IGF1R: variants seen among roughly 807,000 people sequenced by gnomAD.
IGF1R encodes insulin-like growth factor 1 receptor.
In IGF1R, 44 loss-of-function variants were observed where a neutral mutation model predicts 144.6. The ratio of observed to expected loss-of-function variants is 0.30; its 90% confidence interval spans 0.24 to 0.39. The LOEUF (loss-of-function observed/expected upper bound fraction) is 0.39, where lower values mean the gene tolerates loss of function less well. IGF1R is among the 10% of genes least tolerant of loss of function. The probability of loss-of-function intolerance (pLI) is 1.00; values close to 1 mark genes in which losing one functional copy is unlikely to be tolerated. For synonymous variants in IGF1R, 795 were observed against 722.8 expected, an observed-to-expected ratio of 1.10 and a Z score of -1.60; for missense variants, 1,355 against 1,833.7, an observed-to-expected ratio of 0.74 and a Z score of 4.77.
At chr15:98,781,210 A>C (rs552954348) in intron 2 of IGF1R, among the ~76,000 whole-genome samples, 1 of 152,206 alleles carries the variant, frequency 6.6e-6, no homozygotes, top group Admixed American at 6.5e-5. Flanking sequence ...TTCTTCCCAA[A>C]TTGATTTATA....
chr15:98,836,250 C>T (rs2057098839), intron 2 of IGF1R, among the ~76,000 whole-genome samples: 1 of 151,908 alleles, frequency 6.6e-6, no homozygotes, highest in South Asian at 2.1e-4. Flanking sequence ...GTTGAAAAAG[C>T]ATCCAGGCAT....
chr15:98,746,770 AT>A (rs144497572), intron 2 of IGF1R, among the ~76,000 whole-genome samples: 2,058 of 152,242 alleles, frequency 0.014, 46 homozygotes, highest in African/African-American at 0.047. Context: ...TTGCCTTTTA[AT>A]TTGAGAGTTG....
chr15:98,831,640 T>C (rs928756923), intron 2 of IGF1R, among the ~76,000 whole-genome samples: 2 of 152,182 alleles, frequency 1.3e-5, no homozygotes, highest in African/African-American at 2.4e-5. Flanking sequence ...ATACAAAATA[T>C]GAAAACTCAA....
Position 98,934,697 on chromosome 15 carries a change from G to A in IGF1R, c.2957-127G>A, listed in dbSNP as rs45547036. 4.4e-4 allele frequency: 349 copies of A among 789,310 alleles called. 1 individual carries two copies. In the African/African-American group the frequency reaches 5.1e-3, roughly 12 times the overall value. 48.9% of individuals were successfully genotyped at this position (789,310 alleles called of 1,614,324 possible). A position where few individuals can be genotyped will look rare whatever the true frequency, so the allele number is the denominator to read the frequency against. On this transcript the variant is annotated intron_variant, in intron 15 of 20. Transcript: ENST00000650285. The stretch of plus-strand genomic sequence containing the variant: ...AAAGTTGACATCAAGCCATGCCATC[G>A]CCTCCTGGTATTCTCTGTGGGTTTA...
chr15:98,766,455 C>T (rs1057370156), intron 2 of IGF1R, among the ~76,000 whole-genome samples: 17 of 152,088 alleles, frequency 1.1e-4, no homozygotes, highest in African/African-American at 3.9e-4. Flanking sequence ...AATGGTGTGA[C>T]GGTGAGAACT....
chr15:98,869,131 T>A (rs1476456379), intron 2 of IGF1R, among the ~76,000 whole-genome samples: 1 of 152,178 alleles, frequency 6.6e-6, no homozygotes, highest in Non-Finnish European at 1.5e-5. Context: ...AAATATTTTT[T>A]CATATTATTC....
At chr15:98,650,755 T>G in intron 1 of IGF1R, 1 of 331,596 alleles carries the variant, frequency 3.0e-6, no homozygotes, top group Non-Finnish European at 4.3e-6. Context: ...TTGGTTTTGT[T>G]GTGGTCGGCG....
intron 1 of IGF1R, chr15:98,651,024 A>G (rs2052350441): frequency 1.0e-6 from 1 of 985,340 alleles, no homozygotes; most frequent in Non-Finnish European, 1.2e-6. Context: ...GGTAATTTGA[A>G]CACGATTAAA....
At chr15:98,888,174 G>C (rs2013731577) in intron 2 of IGF1R, among the ~76,000 whole-genome samples, 1 of 152,212 alleles carries the variant, frequency 6.6e-6, no homozygotes. Context: ...TACTTGCTGT[G>C]TCGTCCGTTC....
intron 15 of IGF1R, among the ~76,000 whole-genome samples, chr15:98,931,244 GA>G (rs1034151920): frequency 2.3e-4 from 35 of 152,274 alleles, no homozygotes; most frequent in African/African-American, 8.4e-4. Flanking sequence ...TTCATCAAAT[GA>G]ATAATAAATA....
intron 2 of IGF1R, among the ~76,000 whole-genome samples, chr15:98,765,140 A>T (rs954446671): frequency 6.6e-6 from 1 of 152,138 alleles, no homozygotes; most frequent in African/African-American, 2.4e-5. Context: ...ATGTATCAGT[A>T]CTTCATCCCT....
intron 2 of IGF1R, among the ~76,000 whole-genome samples, chr15:98,741,651 G>C (rs1033689033): frequency 4.6e-5 from 7 of 152,184 alleles, no homozygotes; most frequent in Non-Finnish European, 1.0e-4. Flanking sequence ...GCACTGCTCC[G>C]TCCTCCCGCA....
At chr15:98,952,208 A>C (rs1040816863) in intron 20 of IGF1R, among the ~76,000 whole-genome samples, 13 of 151,978 alleles carry the variant, frequency 8.6e-5, no homozygotes, top group African/African-American at 3.1e-4. Context: ...AGGTTACACC[A>C]TGTGAGAGTC....
At chr15:98,701,996 CT>C (rs1034683247) in intron 1 of IGF1R, among the ~76,000 whole-genome samples, 2 of 145,378 alleles carry the variant, frequency 1.4e-5, no homozygotes, top group Admixed American at 1.4e-4. Context: ...AGAGCAGGAG[CT>C]GGTAAATGGC....
intron 1 of IGF1R, among the ~76,000 whole-genome samples, chr15:98,686,658 A>G (rs866706735): frequency 2.6e-5 from 4 of 151,024 alleles, no homozygotes; most frequent in East Asian, 1.9e-4. Flanking sequence ...GCAAATATCA[A>G]TGAAGTATTT....
intron 20 of IGF1R, among the ~76,000 whole-genome samples, chr15:98,954,598 T>A (rs764909829): frequency 3.9e-5 from 6 of 152,016 alleles, no homozygotes; most frequent in Non-Finnish European, 8.8e-5. Flanking sequence ...TCACATGGCT[T>A]GTTTGTGCTG....
At chr15:98,910,342 C>T (rs886499164) in intron 6 of IGF1R, among the ~76,000 whole-genome samples, 2 of 152,198 alleles carry the variant, frequency 1.3e-5, no homozygotes, top group African/African-American at 4.8e-5. Context: ...ACATAGTAGC[C>T]GTTTATTTTC....
chr15:98,930,353 C>G (rs375415953), intron 15 of IGF1R, 48 bp downstream of exon 15: 5 of 1,387,594 alleles, frequency 3.6e-6, no homozygotes, highest in Non-Finnish European at 5.1e-6. Flanking sequence ...GCAGGTAGAT[C>G]GGGAGCTTTC....
At position 98,935,256 on chromosome 15, in the gene IGF1R, C is replaced by A. The variant is rs2016097549; in HGVS notation, c.3187-60C>A. The A allele has an allele frequency of 3.6e-6, 4 of 1,115,064 alleles. No homozygotes were observed. The highest frequency in any genetic ancestry group is 3.8e-6 in the Non-Finnish European group (3 of 785,048). The allele number at this position is 1,115,064 out of a possible 1,614,324, so 69.1% of individuals were successfully genotyped here. ...GCACCACAGAGACAGTTCCAGACAACACAGGCATCAGCAAGGGCCACCTGA... is the reference window on the plus strand; with the variant it reads ...GCACCACAGAGACAGTTCCAGACAAAACAGGCATCAGCAAGGGCCACCTGA... On this transcript the variant is annotated intron_variant, in intron 16 of 20. Coordinates refer to ENST00000650285, the MANE Select transcript of IGF1R (RefSeq NM_000875.5). This position sits in a 1 kb window ranked among gnomAD's most constrained non-coding sequence, Gnocchi z 4.2.
Sources: gnomAD v4.1 joint callset for allele counts (sites outside exome capture counted in the v4.1 genomes callset) on GRCh38, gnomAD v4.1.1 for gene constraint, Gnocchi (gnomAD v3.1) non-coding constraint, MANE v1.5 for transcripts, NCBI Gene and HGNC (gene_info 2026-07-23, HGNC 2026-07-21) for gene names.